Variants in NADSYN1 observed in about 807,000 individuals in gnomAD.
The protein encoded by NADSYN1 is NAD synthetase 1.
In NADSYN1, 80 loss-of-function variants were observed where a neutral mutation model predicts 99.3. The ratio of observed to expected loss-of-function variants is 0.81; its 90% CI spans 0.67 to 0.97. NADSYN1 has a LOEUF of 0.97. NADSYN1 is among the 50% of genes least tolerant of loss of function. The probability of loss-of-function intolerance (pLI) is 0.00; values close to 1 mark genes in which losing one functional copy is unlikely to be tolerated. For synonymous variants in NADSYN1, 385 were observed against 372.1 expected (o/e 1.03, Z -0.40); for missense variants, 859 against 948.5 (o/e 0.91, Z 1.24).
chr11:71,483,197 C>G (rs758531053), intron 14 of NADSYN1, among the ~76,000 whole-genome samples, 180 bp downstream of exon 14: 1 of 152,080 alleles, frequency 6.6e-6, no homozygotes, highest in Admixed American at 6.5e-5. Context: ...TTCCACTGTA[C>G]GGATAGACCA....
At chr11:71,458,370 T>G (rs1371806599) in intron 2 of NADSYN1, 58 bp from the exon 3 acceptor site, 114 of 1,365,044 alleles carry the variant, frequency 8.4e-5, no homozygotes, top group Non-Finnish European at 1.2e-4. Context: ...CCACAGGCCC[T>G]GCCCCTCCCC....
Position 71,501,705 on chromosome 11 carries a change from G to A in NADSYN1, c.*353G>A, listed in dbSNP as rs1473383818. ...AACAGTAGCTCCCGGGAAGGGAGGGGTGTCATGAGCAGAAAATGAAGGAGA... is the reference window on the plus strand; with the variant it reads ...AACAGTAGCTCCCGGGAAGGGAGGGATGTCATGAGCAGAAAATGAAGGAGA... On this transcript the variant is annotated 3_prime_UTR_variant, in exon 21 of 21. Transcript: ENST00000319023. 1.0e-5 allele frequency: 3 copies of A among 297,304 alleles called. No individual in the cohort carries two copies. Among genetic ancestry groups the A allele is most frequent in the Non-Finnish European group, 1.9e-5 (3 of 158,914 alleles). 18.4% of individuals were successfully genotyped at this position (297,304 alleles called of 1,614,324 possible). A position where few individuals can be genotyped will look rare whatever the true frequency, so the allele number is the denominator to read the frequency against.
intron 3 of NADSYN1, among the ~76,000 whole-genome samples, chr11:71,462,803 C>T (rs940464813): frequency 6.4e-4 from 97 of 152,172 alleles, no homozygotes; most frequent in African/African-American, 2.2e-3. Flanking sequence ...TCTCAGTGCC[C>T]CTATGAGGGT....
intron 18 of NADSYN1, among the ~76,000 whole-genome samples, chr11:71,495,710 A>T (rs1949814383): frequency 6.6e-6 from 1 of 152,266 alleles, no homozygotes; most frequent in Non-Finnish European, 1.5e-5. Flanking sequence ...CCAAGCAGCC[A>T]CTTGTGCGCA....
rs1949781850 is a variant in NADSYN1, at chr11:71,491,879, T to C, written c.1740T>C (p.Asp580=). 1 of 1,614,092 alleles carries C rather than the reference T, an allele frequency of 6.2e-7. No individual in the cohort carries two copies. Among genetic ancestry groups the C allele is most frequent in the South Asian group, 1.1e-5 (1 of 91,064 alleles). ...PATAELEPLA[D]GQVSQTDEED... Reference sequence around the variant, plus strand: ...CCGCAGAGCTGGAGCCCTTGGCTGATGGACAGGTGTCCCAGACCGACGAGG... The same window carrying C: ...CCGCAGAGCTGGAGCCCTTGGCTGACGGACAGGTGTCCCAGACCGACGAGG... Residue 580 remains aspartate (D), a synonymous_variant, in exon 18 of 21, where the codon GAT becomes GAC. Transcript: ENST00000319023.
intron 2 of NADSYN1, among the ~76,000 whole-genome samples, chr11:71,456,720 G>A (rs748562659): frequency 5.3e-5 from 8 of 152,298 alleles, no homozygotes; most frequent in Admixed American, 1.3e-4. Flanking sequence ...AAAGGCCCCC[G>A]GGATGGAATA....
Position 71,492,641 on chromosome 11 carries a change from G to C in NADSYN1, c.1764+738G>C, listed in dbSNP as rs140389358. Among the ~76,000 whole-genome samples, 660 of 152,168 alleles carry C rather than the reference G, an allele frequency of 4.3e-3. 6 individuals are homozygous for C. Among genetic ancestry groups the C allele is most frequent in the African/African-American group, 0.015 (625 of 41,514 alleles). ...CTGTTTTTCCTTATGCCGGTCCCAC[G>C]CTGTCCTGATTATTATAACTCTGTA... On this transcript the variant is annotated intron_variant, in intron 18 of 20. Coordinates refer to ENST00000319023, the MANE Select transcript of NADSYN1 (RefSeq NM_018161.5).
chr11:71,486,637 A>C (rs1949744837), intron 16 of NADSYN1, among the ~76,000 whole-genome samples: 1 of 150,510 alleles, frequency 6.6e-6, no homozygotes, highest in South Asian at 2.1e-4. Context: ...CCATCTGTCC[A>C]TCTATCCACT....
intron 9 of NADSYN1, chr11:71,476,258 G>C: frequency 2.7e-6 from 1 of 368,960 alleles, no homozygotes; most frequent in South Asian, 2.0e-5. Context: ...GTTGGGAATG[G>C]GCATTAAAGC....
intron 18 of NADSYN1, among the ~76,000 whole-genome samples, chr11:71,493,905 G>C (rs1949801694): frequency 6.6e-6 from 1 of 152,154 alleles, no homozygotes; most frequent in African/African-American, 2.4e-5. Flanking sequence ...GCTGAGGTGG[G>C]CAAATCACTG....
chr11:71,469,018 C>T (rs1364985862), intron 5 of NADSYN1, among the ~76,000 whole-genome samples: 1 of 152,208 alleles, frequency 6.6e-6, no homozygotes, highest in Non-Finnish European at 1.5e-5. Context: ...AAAAGGAAGG[C>T]ACAGTGTGAA....
Position 71,490,933 on chromosome 11 carries a change from G to T in NADSYN1, c.1651G>T (p.Val551Phe), listed in dbSNP as rs201788486. Reference protein sequence around the residue: ...GISKTDLRAFVQFCIQRFQLP... With the variant: ...GISKTDLRAFFQFCIQRFQLP... Reference sequence around the variant, plus strand: ...CAGCAAGACGGACCTCAGGGCCTTCGTCCAGTTCTGCATCCAGCGCTTCCA... The same window carrying T: ...CAGCAAGACGGACCTCAGGGCCTTCTTCCAGTTCTGCATCCAGCGCTTCCA... The change falls in exon 17 of 21, where the codon GTC becomes TTC. Residue 551 changes from valine to phenylalanine, a missense_variant. Physicochemically the swap from Val to Phe is conservative, Grantham distance 50. Coordinates refer to ENST00000319023, the MANE Select transcript of NADSYN1 (RefSeq NM_018161.5). 19 of 1,614,100 alleles carry T rather than the reference G, an allele frequency of 1.2e-5. No individual in the cohort carries two copies. The East Asian group carries it at 4.0e-4, about 34-fold the overall frequency.
chr11:71,463,469 G>C lies in NADSYN1; in HGVS notation c.301G>C (p.Val101Leu). The C allele has an allele frequency of 6.2e-7, 1 of 1,614,094 alleles. No homozygotes were observed. Residue 101 changes from valine to leucine, a missense_variant, in exon 4 of 21, where the codon GTG becomes CTG. By Grantham distance (32) the Val-to-Leu change is conservative. Coordinates refer to ENST00000319023, the MANE Select transcript of NADSYN1 (RefSeq NM_018161.5). ...CCGAAACGTCCGCTACAACTGCAGA[G>C]TGATATTCCTCAACAGGTAGGCCCC... ...MHRNVRYNCR[V>L]IFLNRKILLI...
intron 5 of NADSYN1, among the ~76,000 whole-genome samples, chr11:71,465,746 G>A (rs1033623527): frequency 1.3e-5 from 2 of 152,120 alleles, no homozygotes; most frequent in East Asian, 3.8e-4. Flanking sequence ...TGTTGTTATT[G>A]TAAATGGACT....
chr11:71,479,051 A>G (rs978901398), intron 10 of NADSYN1: 3 of 158,380 alleles, frequency 1.9e-5, no homozygotes, highest in Admixed American at 1.8e-4. Flanking sequence ...AACATTGAAG[A>G]AGTGTGATGC....
intron 10 of NADSYN1, chr11:71,480,153 T>C (rs1289705907): frequency 6.6e-6 from 1 of 151,752 alleles, no homozygotes; most frequent in African/African-American, 2.4e-5. Flanking sequence ...GTTAACTGTT[T>C]TTTGCTTTTT....
chr11:71,473,005 T>A (rs1321632440), intron 6 of NADSYN1, among the ~76,000 whole-genome samples: 1 of 152,208 alleles, frequency 6.6e-6, no homozygotes, highest in African/African-American at 2.4e-5. Context: ...TGGCCCCAAT[T>A]GGCAGCCCCA....
intron 18 of NADSYN1, chr11:71,496,851 A>C (rs10160376): frequency 0.038 from 5,785 of 152,724 alleles, 348 homozygotes; most frequent in African/African-American, 0.12. Flanking sequence ...ACATCTGCAA[A>C]GACGTTTTAT....
Position 71,455,191 on chromosome 11 carries a change from C to G in NADSYN1, c.146+21C>G, listed in dbSNP as rs765973133. On this transcript the variant is annotated intron_variant, in intron 2 of 20. Transcript: ENST00000319023. ...ATATGGTGAGAACAGACACAGACAC[C>G]CTGGGGTCGTCAGCTAGCGATACCA... is the stretch of plus-strand genomic sequence containing the variant. 2.5e-6 allele frequency: 4 copies of G among 1,604,592 alleles called. No individual in the cohort carries two copies. The African/African-American group carries it at 5.4e-5, about 22-fold the overall frequency.
Sources: allele counts gnomAD v4.1 joint callset (sites outside exome capture counted in the v4.1 genomes callset), GRCh38; gene constraint gnomAD v4.1.1; transcripts MANE v1.5; gene names NCBI Gene and HGNC (gene_info 2026-07-23, HGNC 2026-07-21).